The following GALNT16 variants were observed in gnomAD, a reference collection of about 807,000 sequenced individuals.
GALNT16 encodes the protein UDP-GalNAc:polypeptide N-acetylgalactosaminyltransferase-like protein 1.
In GALNT16, 40 loss-of-function variants were observed where a neutral mutation model predicts 76.1. That is an observed-to-expected ratio of 0.53 (90% CI 0.41 to 0.68). The LOEUF (loss-of-function observed/expected upper bound fraction) is 0.68, where lower values mean the gene tolerates loss of function less well. Ranked by LOEUF, GALNT16 falls within the 30% of genes least tolerant of loss-of-function variation. The pLI, the probability that GALNT16 is intolerant of heterozygous loss-of-function variation, is 0.00. For missense variants in GALNT16, 621 were observed against 731.9 expected, an observed-to-expected ratio of 0.85 and a Z score of 1.75; for synonymous variants, 276 against 285.2, an observed-to-expected ratio of 0.97 and a Z score of 0.32.
At chr14:69,295,877 G>A (rs1342531579) in intron 1 of GALNT16, among the ~76,000 whole-genome samples, 1 of 151,970 alleles carries the variant, frequency 6.6e-6, no homozygotes, top group Admixed American at 6.6e-5. Flanking sequence ...CTTTCACTCT[G>A]GAAAGTCCTA....
the GALNT16 span, among the ~76,000 whole-genome samples, chr14:69,383,318 C>T: frequency 6.6e-6 from 1 of 152,162 alleles, no homozygotes; most frequent in African/African-American, 2.4e-5. Flanking sequence ...TCCACCTACG[C>T]TGTTTAAAAA....
intron 11 of GALNT16, 83 bp from the exon 12 acceptor site, chr14:69,341,598 C>A: frequency 1.2e-6 from 1 of 847,852 alleles, no homozygotes; most frequent in Non-Finnish European, 2.0e-6. Flanking sequence ...ATAGTTGGGG[C>A]TGGGGGACAG....
intron 12 of GALNT16, among the ~76,000 whole-genome samples, chr14:69,345,703 A>ACTGTGTGTGTGTGTGTGTGTGTGTGTGT (rs768099592): frequency 7.4e-6 from 1 of 135,006 alleles, no homozygotes; most frequent in African/African-American, 2.8e-5. Flanking sequence ...ATAAGGTGTC[A>ACTGTGTGTGTGTGTGTGTGTGTGTGTGT]GTGTGTGTGT....
chr14:69,310,317 C>T (rs1383953847), intron 1 of GALNT16, among the ~76,000 whole-genome samples: 1 of 151,190 alleles, frequency 6.6e-6, no homozygotes, highest in Non-Finnish European at 1.5e-5. Flanking sequence ...TCTGATTGTT[C>T]TCTCATGTTT....
At chr14:69,385,161 C>T in the GALNT16 span, among the ~76,000 whole-genome samples, 1 of 152,130 alleles carries the variant, frequency 6.6e-6, no homozygotes, top group Non-Finnish European at 1.5e-5. Flanking sequence ...CAACCTTTAG[C>T]AAAATCTTTA....
At chr14:69,380,411 C>G in the GALNT16 span, 1 of 518,014 alleles carries the variant, frequency 1.9e-6, no homozygotes, top group African/African-American at 1.9e-5. Context: ...TCATCTAATA[C>G]AGTCAATCTT....
chr14:69,278,353 G>A (rs529876634), intron 1 of GALNT16, among the ~76,000 whole-genome samples: 1 of 152,108 alleles, frequency 6.6e-6, no homozygotes, highest in South Asian at 2.1e-4. Context: ...TTACAAGGCA[G>A]GAAATCAAAA....
In GALNT16 at chr14:69,352,425, A is replaced by C; in HGVS notation, c.*257A>C. ...AGGGTGCTGGACTGTTGCTGGGTAG[A>C]GACTGAGTAGGTGCCCCTGGCCCTT... On this transcript the variant is annotated 3_prime_UTR_variant, in exon 15 of 15. Transcript: ENST00000448469. 2 of 447,872 alleles carry C rather than the reference A, an allele frequency of 4.5e-6. No individual in the cohort carries two copies. The highest frequency in any genetic ancestry group is 4.0e-6 in the Non-Finnish European group (1 of 252,262). 27.7% of individuals were successfully genotyped at this position (447,872 alleles called of 1,614,324 possible).
intron 1 of GALNT16, among the ~76,000 whole-genome samples, chr14:69,315,087 CCTTT>C (rs1456170927): frequency 1.3e-5 from 2 of 152,090 alleles, no homozygotes; most frequent in African/African-American, 2.4e-5. Context: ...AAAATATTTT[CCTTT>C]CTTATTTTAA....
Position 69,339,614 on chromosome 14 carries a change from C to T in GALNT16, c.1182C>T (p.Phe394=), listed in dbSNP as rs148952336. Residue 394 remains phenylalanine, a synonymous_variant, in exon 11 of 15, where the codon TTC becomes TTT. Transcript: ENST00000448469. ...EARPSAIGKA[F]GSVATRIEQR... ...GGCCCTCGGCCATCGGGAAGGCCTT[C>T]GGCAGGTGGGCCCCCCCAGCTCCAC... The T allele has an allele frequency of 7.5e-4, 1,197 of 1,591,146 alleles. 7 individuals are homozygous for T. In the African/African-American group the frequency reaches 0.01, roughly 14 times the overall value.
At chr14:69,344,100 C>T (rs545172530) in intron 12 of GALNT16, among the ~76,000 whole-genome samples, 1 of 152,272 alleles carries the variant, frequency 6.6e-6, no homozygotes, top group South Asian at 2.1e-4. Flanking sequence ...AACAGGGGGT[C>T]CCTAAATAGT....
At chr14:69,361,735 G>A (rs976929859), downstream of GALNT16, among the ~76,000 whole-genome samples, 4 of 152,106 alleles carry the variant, frequency 2.6e-5, no homozygotes, top group African/African-American at 7.2e-5. Flanking sequence ...GGCCCAGTGC[G>A]GTGGCTCACA....
At position 69,270,951 on chromosome 14, in the gene GALNT16, C is replaced by G. The variant is rs543915110; in HGVS notation, c.177+10484C>G. Among the ~76,000 whole-genome samples the G allele has an allele frequency of 1.1e-4, 7 of 62,388 alleles. No individual in the cohort carries two copies. The African/African-American group carries it at 1.4e-3, about 12-fold the overall frequency. The allele number at this position is 62,388 out of a possible 152,430, so 40.9% of individuals were successfully genotyped here. A position where few individuals can be genotyped will look rare whatever the true frequency, so the allele number is the denominator to read the frequency against. ...ACAAATACCGCACCAACCTAGAGGC[C>G]GGATGAAGGAGAACCAAAGGTCAGG... is the stretch of plus-strand genomic sequence containing the variant. On this transcript the variant is annotated intron_variant, in intron 1 of 14. Transcript: ENST00000448469.
At chr14:69,305,132 CT>C (rs34469974) in intron 1 of GALNT16, among the ~76,000 whole-genome samples, 48,593 of 133,900 alleles carry the variant, frequency 0.36, 8,230 homozygotes, top group East Asian at 0.49. Flanking sequence ...CAACACTTGT[CT>C]TTTTTTTTTT....
intron 9 of GALNT16, among the ~76,000 whole-genome samples, chr14:69,336,585 T>C (rs1469080458): frequency 6.6e-6 from 1 of 152,214 alleles, no homozygotes; most frequent in East Asian, 1.9e-4. Context: ...ATCAGCCTGG[T>C]TTAAAACATA....
chr14:69,380,484 T>C, the GALNT16 span: 1 of 992,592 alleles, frequency 1.0e-6, no homozygotes, highest in Non-Finnish European at 1.6e-6. Context: ...TACAGCACGC[T>C]GTACACACCT....
At chr14:69,328,053 T>C (rs2045307423) in intron 5 of GALNT16, among the ~76,000 whole-genome samples, 1 of 152,190 alleles carries the variant, frequency 6.6e-6, no homozygotes, top group Non-Finnish European at 1.5e-5. Context: ...GAAGATTATC[T>C]CCATGCTACA....
Position 69,333,003 on chromosome 14 carries a change from C to T in GALNT16, c.779-82C>T, listed in dbSNP as rs1344035239. 5 of 946,766 alleles carry T rather than the reference C, an allele frequency of 5.3e-6. No individual in the cohort carries two copies. In the South Asian group the frequency reaches 6.5e-5, roughly 12 times the overall value. The allele number at this position is 946,766 out of a possible 1,614,324, so 58.6% of individuals were successfully genotyped here. Reference sequence around the variant, plus strand: ...AGCCCAGGGCTCTGATCAGGGGAGACTCCGAGGGGTGGTGGAGTGAAGGGT... The same window carrying T: ...AGCCCAGGGCTCTGATCAGGGGAGATTCCGAGGGGTGGTGGAGTGAAGGGT... On this transcript the variant is annotated intron_variant, in intron 7 of 14. Transcript: ENST00000448469. The surrounding 1 kb of genome is among the most constrained non-coding windows in gnomAD (Gnocchi z 4.2).
intron 1 of GALNT16, among the ~76,000 whole-genome samples, chr14:69,286,304 CTT>C (rs35362251): frequency 2.8e-5 from 4 of 142,108 alleles, no homozygotes; most frequent in Non-Finnish European, 1.5e-5. Flanking sequence ...TCCAAAGGCA[CTT>C]TTTTTTTTTT....
Sources: allele counts gnomAD v4.1 joint callset (sites outside exome capture counted in the v4.1 genomes callset), GRCh38; gene constraint gnomAD v4.1.1; non-coding constraint Gnocchi (gnomAD v3.1); transcripts MANE v1.5; gene names NCBI Gene and HGNC (gene_info 2026-07-23, HGNC 2026-07-21).